The following NBAS variants were observed in gnomAD, a reference collection of about 807,000 sequenced individuals.
NBAS encodes NAG/BC035112 fusion.
Under a neutral mutation model 302.5 loss-of-function variants are expected in NBAS, and 219 were observed. That is an observed-to-expected ratio of 0.72 (90% CI 0.65 to 0.81). The LOEUF (loss-of-function observed/expected upper bound fraction) is 0.81, where lower values mean the gene tolerates loss of function less well. NBAS is among the 30% of genes least tolerant of loss of function. The pLI is 0.00. For synonymous variants in NBAS, 1,118 were observed against 1,021.6 expected (o/e 1.09, Z -1.80); for missense variants, 2,932 against 2,841.6 (o/e 1.03, Z -0.72).
chr2:15,242,437 T>C (rs925144344), intron 44 of NBAS, among the ~76,000 whole-genome samples: 50 of 152,312 alleles, frequency 3.3e-4, no homozygotes, highest in African/African-American at 1.2e-3. Flanking sequence ...AGGTGTTTTA[T>C]TTGACTAGGC....
At chr2:15,179,522 C>T (rs187159108) in intron 50 of NBAS, 20 of 213,286 alleles carry the variant, frequency 9.4e-5, no homozygotes, top group African/African-American at 1.8e-4. Context: ...TATTGATGAA[C>T]GCAGCATACA....
intron 47 of NBAS, among the ~76,000 whole-genome samples, chr2:15,227,481 CA>C (rs946098103): frequency 1.3e-5 from 2 of 151,642 alleles, no homozygotes; most frequent in African/African-American, 4.8e-5. Flanking sequence ...GCACTCTACA[CA>C]GAAACAGAAA....
At chr2:15,188,687 A>T (rs1186222672) in intron 49 of NBAS, among the ~76,000 whole-genome samples, 1 of 152,226 alleles carries the variant, frequency 6.6e-6, no homozygotes, top group Non-Finnish European at 1.5e-5. Flanking sequence ...TGGGTTTACA[A>T]ATGCACTAAA....
chr2:15,061,221 C>T, the NBAS span, among the ~76,000 whole-genome samples: 3 of 152,140 alleles, frequency 2.0e-5, no homozygotes, highest in Non-Finnish European at 4.4e-5. Flanking sequence ...CACACACATA[C>T]ATTCGGATGT....
intron 33 of NBAS, among the ~76,000 whole-genome samples, chr2:15,355,359 A>G (rs1316345595): frequency 6.6e-6 from 1 of 152,184 alleles, no homozygotes; most frequent in Non-Finnish European, 1.5e-5. Flanking sequence ...TCCCTATCAC[A>G]CTGAAGAATG....
the NBAS span, among the ~76,000 whole-genome samples, chr2:14,989,287 A>ATGTGTGTGTGTGTGTG: frequency 8.5e-3 from 600 of 70,998 alleles, 2 homozygotes; most frequent in Non-Finnish European, 0.012. Context: ...TAGTAGATGT[A>ATGTGTGTGTGTGTGTG]TGTGTATGTG....
At chr2:15,245,412 T>C (rs1473635777) in intron 44 of NBAS, among the ~76,000 whole-genome samples, 1 of 152,146 alleles carries the variant, frequency 6.6e-6, no homozygotes, top group Non-Finnish European at 1.5e-5. Context: ...TTCACAAAAA[T>C]GTCATCTTAT....
chr2:15,215,256 C>T (rs915237586), intron 48 of NBAS, among the ~76,000 whole-genome samples: 2 of 152,122 alleles, frequency 1.3e-5, no homozygotes, highest in Non-Finnish European at 2.9e-5. Context: ...ATTTTTAATT[C>T]TGTTAACTAA....
chr2:14,811,836 G>C, the NBAS span, among the ~76,000 whole-genome samples: 13 of 152,270 alleles, frequency 8.5e-5, no homozygotes, highest in East Asian at 2.5e-3. Flanking sequence ...GAATAGAACT[G>C]ACATAACTTC....
Position 15,394,368 on chromosome 2 carries a change from T to A in NBAS, c.3135-19A>T. 1 of 1,611,566 alleles carries A rather than the reference T, an allele frequency of 6.2e-7. No individual in the cohort carries two copies. Among genetic ancestry groups the A allele is most frequent in the African/African-American group, 1.3e-5 (1 of 74,968 alleles). ...TGACACACTATAAGTGAAAAAAGAA[T>A]TATTTAATGTCTTGCTACCAAACAA... On this transcript the variant is annotated intron_variant, in intron 27 of 51. Transcript: ENST00000281513.
chr2:15,001,347 A>G, the NBAS span, among the ~76,000 whole-genome samples: 2 of 152,104 alleles, frequency 1.3e-5, no homozygotes, highest in Admixed American at 1.3e-4. Flanking sequence ...ATGTGATTTT[A>G]TATATATAAC....
At chr2:15,187,197 T>TGTATGGTTCTGGGGAA (rs902543411) in intron 49 of NBAS, among the ~76,000 whole-genome samples, 13 of 152,256 alleles carry the variant, frequency 8.5e-5, no homozygotes, top group African/African-American at 2.6e-4. Flanking sequence ...TTTGCCTAGT[T>TGTATGGTTCTGGGGAA]GTATGGTTCT....
rs140343825 is a variant in NBAS, at chr2:15,419,765, G to A, written c.2578-2053C>T. Among the ~76,000 whole-genome samples the A allele has an allele frequency of 6.7e-3, 1,025 of 152,020 alleles. 12 individuals carry two copies. Among genetic ancestry groups the A allele is most frequent in the African/African-American group, 0.022 (925 of 41,450 alleles). ...CTCACTCTGCCTCCCAGGCTGGAGT[G>A]CAATGGTGCGATCTCGGCTCACGGC... On this transcript the variant is annotated intron_variant, in intron 23 of 51. Transcript: ENST00000281513.
At chr2:14,949,857 T>C in the NBAS span, among the ~76,000 whole-genome samples, 1 of 151,984 alleles carries the variant, frequency 6.6e-6, no homozygotes, top group Non-Finnish European at 1.5e-5. Flanking sequence ...CTCATGAAGA[T>C]AGAAAGTAGA....
rs1418185952 is a variant in NBAS, at chr2:15,415,564, A to C, written c.2919T>G (p.Phe973Leu). The C allele has an allele frequency of 6.2e-7, 1 of 1,614,178 alleles. No individual in the cohort carries two copies. The highest frequency in any genetic ancestry group is 1.1e-5 in the South Asian group (1 of 91,086). Residue 973 changes from phenylalanine to leucine, a missense_variant, in exon 25 of 52, where the codon TTT becomes TTG. Physicochemically the swap from Phe to Leu is conservative, Grantham distance 22 (BLOSUM62 0). Coordinates refer to ENST00000281513, the MANE Select transcript of NBAS (RefSeq NM_015909.4). The stretch of plus-strand genomic sequence containing the variant: ...TACTTACATCTGGTTTGGAATGCTG[A>C]AATATCTTCAGGGGAAATTTTAAGT... ...KGDLKFPLKI[F>L]QHSKPDLQQK...
chr2:14,967,205 T>C, the NBAS span, among the ~76,000 whole-genome samples: 2 of 152,188 alleles, frequency 1.3e-5, no homozygotes, highest in Non-Finnish European at 2.9e-5. Context: ...TGAATATTAC[T>C]AAGGTATCAG....
the NBAS span, among the ~76,000 whole-genome samples, chr2:15,123,454 A>C: frequency 6.6e-6 from 1 of 152,142 alleles, no homozygotes; most frequent in African/African-American, 2.4e-5. Context: ...TAACCCCCAC[A>C]AGAATATGAG....
chr2:15,060,741 A>G, the NBAS span, among the ~76,000 whole-genome samples: 1 of 152,146 alleles, frequency 6.6e-6, no homozygotes, highest in Non-Finnish European at 1.5e-5. Flanking sequence ...CTGAGCCTCA[A>G]TGTTTTCAGC....
At chr2:15,153,685 T>A in the NBAS span, among the ~76,000 whole-genome samples, 1 of 152,226 alleles carries the variant, frequency 6.6e-6, no homozygotes, top group African/African-American at 2.4e-5. Flanking sequence ...TTACTCTTGG[T>A]CATGGGACAC....
Sources: allele counts gnomAD v4.1 joint callset (sites outside exome capture counted in the v4.1 genomes callset), GRCh38; gene constraint gnomAD v4.1.1; transcripts MANE v1.5; gene names NCBI Gene and HGNC (gene_info 2026-07-23, HGNC 2026-07-21).